Variants in GRAMD1A observed in about 807,000 individuals in gnomAD.
The protein encoded by GRAMD1A is GRAM domain containing 1A.
A neutral mutation model predicts 92.0 loss-of-function variants in GRAMD1A; 50 were observed. The ratio of observed to expected loss-of-function variants is 0.54; its 90% CI spans 0.43 to 0.69. GRAMD1A has a LOEUF of 0.69. GRAMD1A is among the 30% of genes least tolerant of loss of function. GRAMD1A has a pLI of 0.00. For synonymous variants in GRAMD1A, 405 were observed against 403.6 expected (o/e 1.00, Z -0.04); for missense variants, 819 against 978.9 (o/e 0.84, Z 2.18).
chr19:35,017,464 CAA>C (rs1019166511), intron 11 of GRAMD1A, among the ~76,000 whole-genome samples: 4 of 152,078 alleles, frequency 2.6e-5, no homozygotes, highest in African/African-American at 4.8e-5. Flanking sequence ...GAAAAAGAAA[CAA>C]AGAGAAACTC....
intron 13 of GRAMD1A, 88 bp downstream of exon 13, chr19:35,019,621 T>C: frequency 7.6e-7 from 1 of 1,307,314 alleles, no homozygotes; most frequent in Non-Finnish European, 1.1e-6. Flanking sequence ...GAGCCTTGGT[T>C]CCCACCCTGG....
In GRAMD1A at chr19:35,005,717, C is replaced by T. The variant is rs76358242; in HGVS notation, c.9-3402C>T. On this transcript the variant is annotated intron_variant, in intron 1 of 19. Coordinates refer to ENST00000317991, the MANE Select transcript of GRAMD1A (RefSeq NM_020895.5). ...TGAGTGCCTACCCTGCATCCTGTCC[C>T]GCATTGTGCTGGGGACAGAGCAGTG... Among the ~76,000 whole-genome samples, 4 of 152,244 alleles carry T rather than the reference C, an allele frequency of 2.6e-5. No homozygotes were observed. In the South Asian group the frequency reaches 6.2e-4, roughly 24 times the overall value.
intron 6 of GRAMD1A, chr19:35,010,652 C>T (rs1185301622): frequency 1.7e-6 from 1 of 588,534 alleles, no homozygotes; most frequent in Non-Finnish European, 3.0e-6. Context: ...CCGCCCCTCC[C>T]TTCGTAAGTC....
chr19:35,000,450 G>GCA lies in GRAMD1A; in HGVS notation c.-28_-27insAC. On this transcript the variant is annotated 5_prime_UTR_variant, in exon 1 of 20. Coordinates refer to ENST00000317991, the MANE Select transcript of GRAMD1A (RefSeq NM_020895.5). The surrounding 1 kb of genome is among the most constrained non-coding windows in gnomAD (Gnocchi z 4.9). ...CCTGCCCTGCCCTGCCCTGCCCTGCGCCCGGGGCGCGCCCACCGCGCCGCA... is the reference window on the plus strand; with the variant it reads ...CCTGCCCTGCCCTGCCCTGCCCTGCGCACCCGGGGCGCGCCCACCGCGCCGCA... The GCA allele has an allele frequency of 3.1e-6, 2 of 643,058 alleles. No individual in the cohort carries two copies. The highest frequency in any genetic ancestry group is 4.2e-6 in the Non-Finnish European group (2 of 481,166). 39.8% of individuals were successfully genotyped at this position (643,058 alleles called of 1,614,324 possible). A position where few individuals can be genotyped will look rare whatever the true frequency, so the allele number is the denominator to read the frequency against.
chr19:34,995,143 G>C (rs2013975054), intron 1 of GRAMD1A, among the ~76,000 whole-genome samples: 2 of 152,224 alleles, frequency 1.3e-5, no homozygotes, highest in African/African-American at 4.8e-5. Flanking sequence ...AACAGGGAAG[G>C]GGAATCCCGA....
chr19:35,003,146 G>A (rs994212864), intron 1 of GRAMD1A, among the ~76,000 whole-genome samples: 44 of 37,578 alleles, frequency 1.2e-3, no homozygotes, highest in Non-Finnish European at 7.1e-5. Flanking sequence ...CTCTGTGCGT[G>A]TGTGTGTGTG....
chr19:35,023,380 C>G, intron 18 of GRAMD1A, 37 bp downstream of exon 18: 1 of 1,613,474 alleles, frequency 6.2e-7, no homozygotes, highest in Non-Finnish European at 8.5e-7. Context: ...GGGGCTTGGG[C>G]ACATCGGGGG....
upstream of GRAMD1A, among the ~76,000 whole-genome samples, chr19:34,997,080 T>G (rs1314277081): frequency 6.6e-6 from 1 of 151,952 alleles, no homozygotes; most frequent in Non-Finnish European, 1.5e-5. Flanking sequence ...CCTGTCTATT[T>G]TTTTTGTATT....
intron 1 of GRAMD1A, among the ~76,000 whole-genome samples, chr19:35,007,740 G>T (rs574958849): frequency 1.3e-5 from 2 of 152,110 alleles, no homozygotes; most frequent in Non-Finnish European, 2.9e-5. Flanking sequence ...GATAACAGTG[G>T]TGTGTACCTG....
Position 35,026,404 on chromosome 19 carries a change from C to G in GRAMD1A, c.*263C>G, listed in dbSNP as rs2016444016. ...CGCCTCCTGGGGTGCACGATTCCCT[C>G]AGCTCTGGGTTTAATGTATTATATT... On this transcript the variant is annotated 3_prime_UTR_variant, in exon 20 of 20. Transcript: ENST00000317991. 1.8e-6 allele frequency: 1 copy of G among 547,164 alleles called. No homozygotes were observed. The highest frequency in any genetic ancestry group is 3.3e-6 in the Non-Finnish European group (1 of 305,056). 33.9% of individuals were successfully genotyped at this position (547,164 alleles called of 1,614,324 possible).
At chr19:35,026,010 C>A in intron 19 of GRAMD1A, 39 bp from the exon 20 acceptor site, 1 of 1,033,206 alleles carries the variant, frequency 9.7e-7, no homozygotes, top group Non-Finnish European at 1.5e-6. Context: ...CCCCAGCCTC[C>A]AGCGTTCACC....
chr19:35,020,519 C>T (rs62122155), intron 13 of GRAMD1A, among the ~76,000 whole-genome samples: 6,873 of 150,622 alleles, frequency 0.046, 225 homozygotes, highest in East Asian at 0.16. Flanking sequence ...GCCTGGGTGA[C>T]AGAGTGAAAC....
At chr19:35,008,768 G>C (rs533900891) in intron 1 of GRAMD1A, among the ~76,000 whole-genome samples, 45 of 152,294 alleles carry the variant, frequency 3.0e-4, no homozygotes, top group African/African-American at 1.1e-3. Flanking sequence ...AGTGAGCCGA[G>C]ATCATGCCAC....
intron 19 of GRAMD1A, among the ~76,000 whole-genome samples, chr19:35,024,507 CT>C: frequency 6.6e-6 from 1 of 151,824 alleles, no homozygotes; most frequent in East Asian, 1.9e-4. Flanking sequence ...GTGTTAGGCA[CT>C]CGGGGAAGGT....
Position 35,010,153 on chromosome 19 carries a change from CT to C in GRAMD1A, c.388del (p.Trp130GlyfsTer19), listed in dbSNP as rs2015120428. On this transcript the variant is annotated frameshift_variant, in exon 5 of 20. Transcript: ENST00000317991. LOFTEE classifies it high-confidence loss of function. ...LQGRLYLSEN[W>X]ICFYSNIFRW... ...AGGGCCGCCTCTACCTCTCTGAGAA[CT>C]GGATCTGCTTCTACAGCAACATCTT... 6.2e-7 allele frequency: 1 copy of C among 1,613,394 alleles called. No individual in the cohort carries two copies. The highest frequency in any genetic ancestry group is 8.5e-7 in the Non-Finnish European group (1 of 1,179,284).
chr19:35,019,940 T>C (rs1438034873), intron 13 of GRAMD1A, among the ~76,000 whole-genome samples: 5 of 152,122 alleles, frequency 3.3e-5, no homozygotes, highest in Non-Finnish European at 4.4e-5. Flanking sequence ...CCCGACACGC[T>C]GGTCAGGGAA....
chr19:35,013,064 C>A lies in GRAMD1A; in HGVS notation c.607-192C>A. 1 of 564,078 alleles carries A rather than the reference C, an allele frequency of 1.8e-6. No homozygotes were observed. Among genetic ancestry groups the A allele is most frequent in the African/African-American group, 1.9e-5 (1 of 53,580 alleles). The allele number at this position is 564,078 out of a possible 1,614,324, so 34.9% of individuals were successfully genotyped here. ...ACTTGGGAAGCAGGAAGTTTGAGTC[C>A]TGGGCGCAGGCCCTGGAGGGGCTGT... On this transcript the variant is annotated intron_variant, in intron 7 of 19. Coordinates refer to ENST00000317991, the MANE Select transcript of GRAMD1A (RefSeq NM_020895.5). This position sits in a 1 kb window ranked among gnomAD's most constrained non-coding sequence, Gnocchi z 4.9.
intron 11 of GRAMD1A, among the ~76,000 whole-genome samples, chr19:35,016,870 G>T (rs549358847): frequency 9.9e-4 from 131 of 132,528 alleles, no homozygotes; most frequent in African/African-American, 3.6e-3. Context: ...GTGCCGTTGC[G>T]CTCCAGCCTG....
intron 11 of GRAMD1A, among the ~76,000 whole-genome samples, chr19:35,018,286 T>C (rs2902174): frequency 0.37 from 55,883 of 152,064 alleles, 10,479 homozygotes; most frequent in Middle Eastern, 0.48. Context: ...CGTGAGCCAC[T>C]GTGCCCGGCT....
Sources: gnomAD v4.1 joint callset for allele counts (sites outside exome capture counted in the v4.1 genomes callset) on GRCh38, gnomAD v4.1.1 for gene constraint, Gnocchi (gnomAD v3.1) non-coding constraint, MANE v1.5 for transcripts, NCBI Gene and HGNC (gene_info 2026-07-23, HGNC 2026-07-21) for gene names.